KDM5A: variants seen among roughly 807,000 people sequenced by gnomAD.
KDM5A encodes the protein lysine demethylase 5A, also known as lysine-specific demethylase 5A.
KDM5A carries 42 observed loss-of-function variants against 193.5 expected under a neutral mutation model. The observed-to-expected ratio is 0.22, with a 90% CI of 0.17 to 0.28. KDM5A has a LOEUF of 0.28. KDM5A is among the 10% of genes least tolerant of loss of function. The probability of loss-of-function intolerance (pLI) is 1.00; values close to 1 mark genes in which losing one functional copy is unlikely to be tolerated. For missense variants in KDM5A, 1,692 were observed against 2,055.1 expected (o/e 0.82, Z 3.42); for synonymous variants, 796 against 718.1 (o/e 1.11, Z -1.73).
At chr12:354,269 T>C (rs1303329364) in intron 7 of KDM5A, 35 bp from the exon 8 acceptor site, 3 of 1,442,484 alleles carry the variant, frequency 2.1e-6, no homozygotes, top group African/African-American at 1.4e-5. Flanking sequence ...GTCTATTTTC[T>C]ATAATAAATA....
intron 10 of KDM5A, among the ~76,000 whole-genome samples, chr12:338,052 T>C (rs1001653785): frequency 6.6e-6 from 1 of 152,272 alleles, no homozygotes; most frequent in South Asian, 2.1e-4. Flanking sequence ...GTGAAAGCAA[T>C]ATATTAGAGA....
intron 27 of KDM5A, among the ~76,000 whole-genome samples, chr12:289,787 A>G (rs112816865): frequency 1.1e-4 from 17 of 152,074 alleles, no homozygotes; most frequent in African/African-American, 3.9e-4. Flanking sequence ...AGTTAGAGAA[A>G]TAATAGTAAT....
chr12:373,533 C>G (rs1944460074), intron 3 of KDM5A, among the ~76,000 whole-genome samples: 1 of 152,142 alleles, frequency 6.6e-6, no homozygotes, highest in Admixed American at 6.5e-5. Flanking sequence ...AAAACCAGCT[C>G]CTGGATTCAT....
intron 3 of KDM5A, among the ~76,000 whole-genome samples, chr12:373,575 C>G (rs1459075166): frequency 6.6e-6 from 1 of 152,058 alleles, no homozygotes; most frequent in Non-Finnish European, 1.5e-5. Flanking sequence ...GTGTCTCTAT[C>G]TCCTTCAGTT....
intron 19 of KDM5A, 106 bp downstream of exon 19, chr12:317,999 CA>C (rs398055245): frequency 0.22 from 141,190 of 629,600 alleles, 7 homozygotes; most frequent in South Asian, 0.3. Flanking sequence ...ATCCTAAACG[CA>C]AAAAAAAAAA....
rs1348797792 is a variant in KDM5A, at chr12:306,980, T to G, written c.4040A>C (p.Glu1347Ala). The G allele has an allele frequency of 6.2e-7, 1 of 1,613,968 alleles. No individual in the cohort carries two copies. ...GTAGCCATATGTCTCTCGAATGTCT[T>G]CATCAGAGTCTGTTTCTTCATCATC... Reference protein sequence around the residue: ...DYDDEETDSDEDIRETYGYDM... With the variant: ...DYDDEETDSDADIRETYGYDM... Residue 1347 changes from glutamate (E) to alanine (A), a missense_variant, in exon 24 of 28, where the codon GAA becomes GCA. Coordinates refer to ENST00000399788, the MANE Select transcript of KDM5A (RefSeq NM_001042603.3).
intron 10 of KDM5A, among the ~76,000 whole-genome samples, chr12:337,209 C>T (rs1274083165): frequency 2.6e-5 from 4 of 152,152 alleles, no homozygotes; most frequent in Non-Finnish European, 4.4e-5. Context: ...GAAAGTTTCC[C>T]GAAGCCTCCT....
At chr12:369,185 A>G (rs980494080) in intron 3 of KDM5A, among the ~76,000 whole-genome samples, 8 of 151,980 alleles carry the variant, frequency 5.3e-5, no homozygotes, top group African/African-American at 1.9e-4. Context: ...ACAATCAATC[A>G]GGGGAAAATC....
At chr12:356,671 C>T (rs1451472740) in intron 5 of KDM5A, 134 bp from the exon 6 acceptor site, 5 of 678,788 alleles carry the variant, frequency 7.4e-6, no homozygotes, top group Non-Finnish European at 1.3e-5. Flanking sequence ...TAAATCCACT[C>T]ACTGCCTCAT....
chr12:334,159 C>T (rs1161013168), intron 11 of KDM5A, 82 bp downstream of exon 11: 11 of 1,272,284 alleles, frequency 8.6e-6, no homozygotes, highest in African/African-American at 1.5e-5. Flanking sequence ...TGTCTATAAA[C>T]CTTAAAGATC....
chr12:341,130 A>G (rs955439526), intron 10 of KDM5A, among the ~76,000 whole-genome samples: 1 of 152,238 alleles, frequency 6.6e-6, no homozygotes, highest in African/African-American at 2.4e-5. Context: ...CTCAAGAACA[A>G]TTTAAAAATT....
chr12:306,366 C>T (rs1943506992), intron 24 of KDM5A, among the ~76,000 whole-genome samples: 1 of 152,178 alleles, frequency 6.6e-6, no homozygotes, highest in Non-Finnish European at 1.5e-5. Context: ...GAAAGCTTTA[C>T]ATATTGTTTT....
chr12:350,970 T>G (rs1275752758), intron 9 of KDM5A, among the ~76,000 whole-genome samples, 191 bp from the exon 10 acceptor site: 1 of 152,170 alleles, frequency 6.6e-6, no homozygotes, highest in Non-Finnish European at 1.5e-5. Flanking sequence ...ACTCGGACGT[T>G]CAGAAAAACA....
At chr12:385,137 C>G (rs893822417) in intron 2 of KDM5A, among the ~76,000 whole-genome samples, 1 of 148,368 alleles carries the variant, frequency 6.7e-6, no homozygotes, top group Non-Finnish European at 1.5e-5. Flanking sequence ...GAGCCGAGAT[C>G]GCACCACTGC....
At chr12:339,494 T>A (rs1363671806) in intron 10 of KDM5A, among the ~76,000 whole-genome samples, 1 of 152,116 alleles carries the variant, frequency 6.6e-6, no homozygotes, top group Non-Finnish European at 1.5e-5. Flanking sequence ...TGCAACCCAG[T>A]CAACAAAAAA....
At chr12:365,343 C>T (rs1284792982) in intron 4 of KDM5A, among the ~76,000 whole-genome samples, 4 of 152,300 alleles carry the variant, frequency 2.6e-5, no homozygotes, top group East Asian at 1.9e-4. Context: ...CATTAGCCAC[C>T]GCATCCAGCC....
intron 7 of KDM5A, 50 bp from the exon 8 acceptor site, chr12:354,284 A>T (rs1565543967): frequency 3.7e-6 from 5 of 1,344,138 alleles, no homozygotes; most frequent in Non-Finnish European, 5.2e-6. Flanking sequence ...TAAATAATAA[A>T]TTTTTACCAG....
chr12:323,480 G>T, intron 15 of KDM5A, 120 bp downstream of exon 15: 1 of 1,084,230 alleles, frequency 9.2e-7, no homozygotes, highest in Non-Finnish European at 1.4e-6. Flanking sequence ...AAGCCTAGAA[G>T]TAGACAGTGA....
rs937294279 is a variant in KDM5A at position 282,823 on chromosome 12, A to C, written c.*2633T>G. ...AAGTAATTTTCTCTAAGTGAAAATA[A>C]TGCTTTGTATTAGAACACCAACATT... On this transcript the variant is annotated 3_prime_UTR_variant, in exon 28 of 28. Coordinates refer to ENST00000399788, the MANE Select transcript of KDM5A (RefSeq NM_001042603.3). The C allele has an allele frequency of 3.9e-5, 9 of 232,522 alleles. No homozygotes were observed. Among genetic ancestry groups the C allele is most frequent in the African/African-American group, 2.0e-4 (9 of 45,316 alleles). The allele number at this position is 232,522 out of a possible 1,614,324, so 14.4% of individuals were successfully genotyped here.
Sources: gnomAD v4.1 joint callset for allele counts (sites outside exome capture counted in the v4.1 genomes callset) on GRCh38, gnomAD v4.1.1 for gene constraint, MANE v1.5 for transcripts, NCBI Gene and HGNC (gene_info 2026-07-23, HGNC 2026-07-21) for gene names.